CCDC141: variants seen among roughly 807,000 people sequenced by gnomAD.
CCDC141 encodes coiled-coil domain containing 141.
Under a neutral mutation model 181.0 loss-of-function variants are expected in CCDC141, and 168 were observed. The observed-to-expected ratio is 0.93, with a 90% CI of 0.82 to 1.05. CCDC141 has a LOEUF of 1.05. CCDC141 is among the 50% of genes least tolerant of loss of function. CCDC141 has a pLI of 0.00. For missense variants in CCDC141, 1,902 were observed against 1,788.5 expected, an observed-to-expected ratio of 1.06 and a Z score of -1.14; for synonymous variants, 666 against 642.3, an observed-to-expected ratio of 1.04 and a Z score of -0.56.
chr2:179,040,678 T>C (rs2043272916), intron 2 of CCDC141, among the ~76,000 whole-genome samples: 2 of 152,212 alleles, frequency 1.3e-5, no homozygotes, highest in South Asian at 4.1e-4. Context: ...GACAATGGAC[T>C]CCAGTTCCAT....
intron 4 of CCDC141, among the ~76,000 whole-genome samples, chr2:178,963,422 T>C (rs995814477): frequency 6.6e-6 from 1 of 152,106 alleles, no homozygotes; most frequent in African/African-American, 2.4e-5. Flanking sequence ...TGTTTTTTTT[T>C]GTTTTTTTCA....
chr2:178,860,581 C>G (rs1275140510), intron 17 of CCDC141, among the ~76,000 whole-genome samples: 6 of 95,808 alleles, frequency 6.3e-5, no homozygotes, highest in Admixed American at 2.9e-4. Flanking sequence ...TTGGTAGAGG[C>G]AGGGTCTCAC....
intron 22 of CCDC141, among the ~76,000 whole-genome samples, chr2:178,840,202 C>A (rs1684665254): frequency 2.0e-5 from 3 of 152,164 alleles, no homozygotes. Flanking sequence ...ACTCTCAGGT[C>A]TTCTTTTGCC....
At chr2:178,963,521 C>G (rs944020442) in intron 4 of CCDC141, among the ~76,000 whole-genome samples, 8 of 151,940 alleles carry the variant, frequency 5.3e-5, no homozygotes, top group African/African-American at 1.9e-4. Context: ...TGCTGAAACT[C>G]AAGACTTGTG....
At chr2:178,983,682 A>G (rs1691560348) in intron 2 of CCDC141, among the ~76,000 whole-genome samples, 1 of 151,386 alleles carries the variant, frequency 6.6e-6, no homozygotes, top group South Asian at 2.1e-4. Flanking sequence ...AAGCCTCAGG[A>G]GCCGATGCGA....
At chr2:179,047,839 T>A (rs2043549415) in intron 1 of CCDC141, among the ~76,000 whole-genome samples, 1 of 152,224 alleles carries the variant, frequency 6.6e-6, no homozygotes, top group Non-Finnish European at 1.5e-5. Flanking sequence ...GGAAAGTTCT[T>A]GTAAATGCAA....
At chr2:178,822,774 A>C in the CCDC141 span, among the ~76,000 whole-genome samples, 1 of 152,220 alleles carries the variant, frequency 6.6e-6, no homozygotes, top group Non-Finnish European at 1.5e-5. Context: ...TGTTTATATC[A>C]GACATATAAA....
chr2:179,000,297 GT>G (rs958363157), intron 2 of CCDC141, among the ~76,000 whole-genome samples: 11 of 151,818 alleles, frequency 7.2e-5, no homozygotes, highest in African/African-American at 2.4e-4. Flanking sequence ...CCATAATAAA[GT>G]TTTTTTTGGA....
At chr2:179,034,013 G>A (rs1012481554) in intron 2 of CCDC141, among the ~76,000 whole-genome samples, 1 of 152,036 alleles carries the variant, frequency 6.6e-6, no homozygotes, top group Admixed American at 6.6e-5. Context: ...ATATTGTTTT[G>A]TTTCTAGTTA....
chr2:178,975,765 C>T (rs1691091508), intron 3 of CCDC141, among the ~76,000 whole-genome samples: 1 of 151,910 alleles, frequency 6.6e-6, no homozygotes, highest in Non-Finnish European at 1.5e-5. Flanking sequence ...AAATTGGTCT[C>T]AAAAAATACA....
chr2:178,966,474 A>G (rs1312264223), intron 4 of CCDC141, among the ~76,000 whole-genome samples: 1 of 152,182 alleles, frequency 6.6e-6, no homozygotes, highest in Non-Finnish European at 1.5e-5. Flanking sequence ...ACCCAGGCAC[A>G]CAGGGTCAGG....
rs12328502 is a variant in CCDC141, at chr2:179,033,134, A to T, written c.225+14150T>A. ...GACAAACCAAAACAAAAGAAAAGAA[A>T]ATGCTCTCATTCTAGGCTAAGTCCA... is the stretch of plus-strand genomic sequence containing the variant. On this transcript the variant is annotated intron_variant, in intron 2 of 23. Coordinates refer to ENST00000443758, the MANE Select transcript of CCDC141 (RefSeq NM_173648.4). Among the ~76,000 whole-genome samples, 102 of 151,472 alleles carry T rather than the reference A, an allele frequency of 6.7e-4. 1 individual carries two copies. The highest frequency in any genetic ancestry group is 2.3e-3 in the African/African-American group (96 of 41,368).
At chr2:178,880,463 A>G (rs548125097) in intron 11 of CCDC141, among the ~76,000 whole-genome samples, 1 of 152,282 alleles carries the variant, frequency 6.6e-6, no homozygotes, top group Admixed American at 6.5e-5. Flanking sequence ...GACGTCATTA[A>G]GCTGGATAAG....
chr2:178,898,403 A>G (rs928754723), intron 8 of CCDC141, among the ~76,000 whole-genome samples: 13 of 152,096 alleles, frequency 8.5e-5, no homozygotes, highest in African/African-American at 2.9e-4. Flanking sequence ...TCTTTCTTTT[A>G]TATATTACCA....
At chr2:179,046,588 A>G (rs768065539) in intron 2 of CCDC141, among the ~76,000 whole-genome samples, 1 of 152,340 alleles carries the variant, frequency 6.6e-6, no homozygotes, top group Non-Finnish European at 1.5e-5. Context: ...CATCTTACAC[A>G]TGAAGGAGCC....
chr2:179,006,229 G>C (rs2042120337), intron 2 of CCDC141, among the ~76,000 whole-genome samples: 1 of 152,200 alleles, frequency 6.6e-6, no homozygotes. Context: ...TATTACTTGA[G>C]ATATCATTCA....
At chr2:178,848,774 T>C (rs1050370582) in intron 21 of CCDC141, among the ~76,000 whole-genome samples, 3 of 151,862 alleles carry the variant, frequency 2.0e-5, no homozygotes, top group Non-Finnish European at 4.4e-5. Context: ...TCCTCGGTGG[T>C]GGGGTGGAGG....
intron 8 of CCDC141, among the ~76,000 whole-genome samples, chr2:178,903,812 A>G (rs528572950): frequency 6.6e-6 from 1 of 152,112 alleles, no homozygotes; most frequent in South Asian, 2.1e-4. Flanking sequence ...ACAGCCAGGG[A>G]ACATGCCGCA....
chr2:178,944,678 C>A (rs919280745), intron 5 of CCDC141, 27 bp from the exon 6 acceptor site: 3 of 1,060,882 alleles, frequency 2.8e-6, no homozygotes, highest in Admixed American at 5.2e-5. Flanking sequence ...AAAGAAAGAT[C>A]AAAATTCAAA....
Sources: allele counts gnomAD v4.1 joint callset (sites outside exome capture counted in the v4.1 genomes callset), GRCh38; gene constraint gnomAD v4.1.1; transcripts MANE v1.5; gene names NCBI Gene and HGNC (gene_info 2026-07-23, HGNC 2026-07-21).